CADM1: variants seen among roughly 807,000 people sequenced by gnomAD.
The protein encoded by CADM1 is TSLC-1.
A neutral mutation model predicts 53.1 loss-of-function variants in CADM1; 15 were observed. That is an observed-to-expected ratio of 0.28 (90% CI 0.19 to 0.44). The LOEUF (loss-of-function observed/expected upper bound fraction) is 0.44. Ranked by LOEUF, CADM1 falls within the 20% of genes least tolerant of loss-of-function variation. The probability of loss-of-function intolerance (pLI) is 1.00; values close to 1 mark genes in which losing one functional copy is unlikely to be tolerated. For synonymous variants in CADM1, 281 were observed against 243.0 expected (o/e 1.16, Z -1.45); for missense variants, 434 against 611.3 (o/e 0.71, Z 3.06).
At chr11:115,368,110 C>CTTTTTTTTTTT (rs58589028) in intron 1 of CADM1, among the ~76,000 whole-genome samples, 4 of 61,878 alleles carry the variant, frequency 6.5e-5, no homozygotes, top group Admixed American at 2.6e-4. Flanking sequence ...TCACTAGAGT[C>CTTTTTTTTTTT]TTTTTTTTTT....
At chr11:115,227,455 G>T (rs1362741044) in intron 5 of CADM1, among the ~76,000 whole-genome samples, 1 of 152,136 alleles carries the variant, frequency 6.6e-6, no homozygotes, top group Non-Finnish European at 1.5e-5. Context: ...GGTGGAAACT[G>T]GGTGAATATC....
At chr11:115,387,792 G>A (rs1435774888) in intron 1 of CADM1, among the ~76,000 whole-genome samples, 1 of 151,930 alleles carries the variant, frequency 6.6e-6, no homozygotes, top group African/African-American at 2.4e-5. Flanking sequence ...ATGCATGTGT[G>A]TGTATATTAT....
At chr11:115,391,544 G>A (rs1946836498) in intron 1 of CADM1, among the ~76,000 whole-genome samples, 1 of 152,146 alleles carries the variant, frequency 6.6e-6, no homozygotes, top group African/African-American at 2.4e-5. Context: ...GGAGGAAAAG[G>A]CAAAAGAGAA....
chr11:115,254,591 C>CAGAG (rs761709271), intron 1 of CADM1, among the ~76,000 whole-genome samples: 42 of 140,810 alleles, frequency 3.0e-4, no homozygotes, highest in African/African-American at 1.2e-3. Context: ...CACACACACA[C>CAGAG]ACAGAGACAA....
At chr11:115,389,523 C>T (rs1417587238) in intron 1 of CADM1, among the ~76,000 whole-genome samples, 5 of 152,094 alleles carry the variant, frequency 3.3e-5, no homozygotes, top group Admixed American at 2.6e-4. Flanking sequence ...TTAAATTATG[C>T]TATGTAAATT....
chr11:115,203,024 G>A (rs542676528), intron 8 of CADM1, among the ~76,000 whole-genome samples: 18 of 152,134 alleles, frequency 1.2e-4, no homozygotes, highest in Admixed American at 1.1e-3. Context: ...AAGTGGATAG[G>A]AACAGAATGA....
intron 1 of CADM1, among the ~76,000 whole-genome samples, chr11:115,322,208 A>G (rs932911409): frequency 2.6e-5 from 4 of 152,160 alleles, no homozygotes; most frequent in Non-Finnish European, 5.9e-5. Context: ...ACACTGTAAC[A>G]AGACCACTCG....
intron 1 of CADM1, among the ~76,000 whole-genome samples, chr11:115,268,233 T>C (rs966283040): frequency 1.1e-4 from 16 of 152,216 alleles, no homozygotes; most frequent in African/African-American, 3.6e-4. Context: ...AATTCAGAGA[T>C]ATTCTGTGTC....
chr11:115,303,580 T>G (rs982322164), intron 1 of CADM1, among the ~76,000 whole-genome samples: 3 of 152,094 alleles, frequency 2.0e-5, no homozygotes, highest in Non-Finnish European at 2.9e-5. Context: ...AGGTCATTAG[T>G]GCAAACTAAC....
chr11:115,176,600 A>G lies in CADM1; in HGVS notation c.1298-8T>C. On this transcript the variant is annotated splice_region_variant and splice_polypyrimidine_tract_variant and intron_variant, in intron 11 of 11. Coordinates refer to ENST00000331581, the MANE Select transcript of CADM1 (RefSeq NM_001301043.2). ...CATGAGTGAAGTATGTACCTGAAAG[A>G]TGAAGGGGTAAAGCACCGTGACTGT... 1 of 1,612,186 alleles carries G rather than the reference A, an allele frequency of 6.2e-7. No homozygotes were observed. The highest frequency in any genetic ancestry group is 8.5e-7 in the Non-Finnish European group (1 of 1,178,292).
intron 1 of CADM1, among the ~76,000 whole-genome samples, chr11:115,457,349 CATTACTCA>C (rs1344171178): frequency 6.6e-6 from 1 of 152,160 alleles, no homozygotes; most frequent in East Asian, 1.9e-4. Context: ...CATAAAAAGA[CATTACTCA>C]AAGTATTTGG....
chr11:115,254,826 G>C (rs1942729928), intron 1 of CADM1, among the ~76,000 whole-genome samples: 1 of 152,172 alleles, frequency 6.6e-6, no homozygotes, highest in South Asian at 2.1e-4. Flanking sequence ...TCCAGATATT[G>C]AATGACATTG....
chr11:115,492,439 A>T (rs1374741516), intron 1 of CADM1, among the ~76,000 whole-genome samples: 2 of 152,230 alleles, frequency 1.3e-5, no homozygotes, highest in Admixed American at 1.3e-4. Flanking sequence ...TAAATCAACA[A>T]TGATAGGAAA....
chr11:115,361,343 A>C (rs1946024629), intron 1 of CADM1, among the ~76,000 whole-genome samples: 1 of 152,240 alleles, frequency 6.6e-6, no homozygotes, highest in African/African-American at 2.4e-5. Flanking sequence ...GTAGTATCAG[A>C]GTTGCAGTTA....
intron 10 of CADM1, among the ~76,000 whole-genome samples, chr11:115,182,399 C>T (rs1939354734): frequency 6.6e-6 from 1 of 152,188 alleles, no homozygotes; most frequent in Non-Finnish European, 1.5e-5. Context: ...TGGGACTAAG[C>T]CCTGCCCCAT....
chr11:115,437,884 C>G (rs1948219148), intron 1 of CADM1, among the ~76,000 whole-genome samples: 1 of 152,070 alleles, frequency 6.6e-6, no homozygotes, highest in African/African-American at 2.4e-5. Flanking sequence ...CTATTCTCAA[C>G]CAAAAGAGGT....
intron 1 of CADM1, among the ~76,000 whole-genome samples, chr11:115,248,759 C>T (rs79770798): frequency 0.022 from 3,394 of 152,064 alleles, 57 homozygotes; most frequent in Non-Finnish European, 0.032. Flanking sequence ...AAAACTCTCT[C>T]TAGTGGACAG....
intron 1 of CADM1, among the ~76,000 whole-genome samples, chr11:115,503,487 C>A (rs947922082): frequency 1.1e-4 from 17 of 152,096 alleles, no homozygotes; most frequent in Admixed American, 3.3e-4. Flanking sequence ...TGTCCCCACT[C>A]GTGGCAGAGG....
At chr11:115,442,949 C>T (rs1161543914) in intron 1 of CADM1, among the ~76,000 whole-genome samples, 1 of 152,190 alleles carries the variant, frequency 6.6e-6, no homozygotes, top group Non-Finnish European at 1.5e-5. Context: ...CTAATGGCAA[C>T]AGTACCAGAT....
Sources: gnomAD v4.1 joint callset for allele counts (sites outside exome capture counted in the v4.1 genomes callset) on GRCh38, gnomAD v4.1.1 for gene constraint, MANE v1.5 for transcripts, NCBI Gene and HGNC (gene_info 2026-07-23, HGNC 2026-07-21) for gene names.